The following S100Z variants were observed in gnomAD, a reference collection of about 807,000 sequenced individuals.
The protein encoded by S100Z is S100 calcium binding protein Z, also known as protein S100-Z.
S100Z carries 11 observed loss-of-function variants against 8.5 expected under a neutral mutation model. The ratio of observed to expected loss-of-function variants is 1.30; its 90% CI spans 0.82 to 2.15. The LOEUF is 2.15. Among genes scored for constraint, S100Z ranks in the 30% most tolerant of loss-of-function variants. The pLI is 0.00. For missense variants in S100Z, 126 were observed against 117.9 expected (o/e 1.07, Z -0.32); for synonymous variants, 34 against 43.8 (o/e 0.78, Z 0.89).
At chr5:76,917,772 G>A (rs938706196) in intron 4 of S100Z, among the ~76,000 whole-genome samples, 10 of 147,968 alleles carry the variant, frequency 6.8e-5, no homozygotes, top group Admixed American at 1.4e-4. Flanking sequence ...GCAGTAAACC[G>A]AGATAACACC....
At chr5:76,916,637 A>G (rs893118175) in intron 4 of S100Z, among the ~76,000 whole-genome samples, 4 of 152,214 alleles carry the variant, frequency 2.6e-5, no homozygotes, top group African/African-American at 9.7e-5. Flanking sequence ...CAGAAAGATA[A>G]CATGAAAATT....
intron 4 of S100Z, among the ~76,000 whole-genome samples, chr5:76,896,806 A>G (rs1744053269): frequency 6.6e-6 from 1 of 152,138 alleles, no homozygotes; most frequent in African/African-American, 2.4e-5. Flanking sequence ...GCACCTTTTC[A>G]TATACCTGTT....
the S100Z span, among the ~76,000 whole-genome samples, chr5:76,943,193 A>T: frequency 6.6e-6 from 1 of 152,128 alleles, no homozygotes; most frequent in East Asian, 1.9e-4. Flanking sequence ...TCTGGTACCC[A>T]GACTGTGATG....
At chr5:76,940,936 C>T in the S100Z span, among the ~76,000 whole-genome samples, 3 of 151,896 alleles carry the variant, frequency 2.0e-5, no homozygotes, top group Non-Finnish European at 4.4e-5. Flanking sequence ...GTCAGGATGC[C>T]CCTCTGTTGG....
chr5:76,881,861 T>G (rs1401605526), intron 4 of S100Z, among the ~76,000 whole-genome samples: 2 of 152,254 alleles, frequency 1.3e-5, no homozygotes, highest in African/African-American at 4.8e-5. Context: ...TGGCATCTTA[T>G]GCCTTTTGAT....
intron 4 of S100Z, among the ~76,000 whole-genome samples, chr5:76,884,190 T>A (rs964490852): frequency 6.6e-6 from 1 of 152,222 alleles, no homozygotes; most frequent in Non-Finnish European, 1.5e-5. Context: ...GGGTTGCTGC[T>A]AAGAGGGCCA....
the S100Z span, among the ~76,000 whole-genome samples, chr5:76,933,211 C>T: frequency 3.9e-5 from 6 of 152,090 alleles, no homozygotes; most frequent in East Asian, 1.9e-4. Flanking sequence ...GCGGAGTGCC[C>T]GGATGAGGCT....
chr5:76,903,540 A>G (rs147566972), intron 4 of S100Z, among the ~76,000 whole-genome samples: 102 of 152,156 alleles, frequency 6.7e-4, no homozygotes, highest in African/African-American at 2.4e-3. Context: ...GTAAATTTTC[A>G]TTTCTCTTTA....
At chr5:76,875,627 C>A in intron 3 of S100Z, 127 bp downstream of exon 3, 1 of 807,936 alleles carries the variant, frequency 1.2e-6, no homozygotes, top group Non-Finnish European at 1.9e-6. Flanking sequence ...TACAGAGATT[C>A]AAAATATAGG....
chr5:76,906,020 G>C (rs1744411406), intron 4 of S100Z, among the ~76,000 whole-genome samples: 1 of 152,116 alleles, frequency 6.6e-6, no homozygotes, highest in Admixed American at 6.6e-5. Flanking sequence ...AATAGAGACA[G>C]GATGTCACCA....
At chr5:76,874,875 CTATTAT>C (rs1321507344) in intron 2 of S100Z, among the ~76,000 whole-genome samples, 1 of 151,688 alleles carries the variant, frequency 6.6e-6, no homozygotes, top group Non-Finnish European at 1.5e-5. Context: ...TAATGAAAGA[CTATTAT>C]TATTATTAAT....
At chr5:76,936,536 A>C in the S100Z span, among the ~76,000 whole-genome samples, 1 of 151,904 alleles carries the variant, frequency 6.6e-6, no homozygotes, top group Non-Finnish European at 1.5e-5. Context: ...AAAGTCAATC[A>C]AAAAAATATT....
intron 1 of S100Z, among the ~76,000 whole-genome samples, chr5:76,860,519 A>G (rs1751025043): frequency 6.6e-6 from 1 of 152,130 alleles, no homozygotes; most frequent in Non-Finnish European, 1.5e-5. Context: ...TGCAAATCAC[A>G]GAAACAGACT....
intron 4 of S100Z, among the ~76,000 whole-genome samples, chr5:76,889,031 C>T (rs946455185): frequency 6.6e-6 from 1 of 152,146 alleles, no homozygotes; most frequent in Non-Finnish European, 1.5e-5. Context: ...GGAGGGCCAG[C>T]GTTTTTGGGG....
chr5:76,872,596 G>A (rs1408782960), intron 2 of S100Z, among the ~76,000 whole-genome samples: 2 of 152,148 alleles, frequency 1.3e-5, no homozygotes, highest in Non-Finnish European at 2.9e-5. Flanking sequence ...GGGAGGTTGA[G>A]GTGCAGTGAG....
intron 4 of S100Z, among the ~76,000 whole-genome samples, chr5:76,891,886 C>G (rs17749722): frequency 0.025 from 3,813 of 152,146 alleles, 150 homozygotes; most frequent in East Asian, 0.12. Context: ...TCTTGGGCAA[C>G]TTATTTAATT....
chr5:76,941,802 C>G, the S100Z span, among the ~76,000 whole-genome samples: 6 of 152,260 alleles, frequency 3.9e-5, no homozygotes, highest in South Asian at 2.1e-4. Context: ...ATGCTCCCCC[C>G]CCTTGATGGC....
At chr5:76,869,719 C>T (rs6859961) in intron 1 of S100Z, among the ~76,000 whole-genome samples, 68,590 of 151,822 alleles carry the variant, frequency 0.45, 15,964 homozygotes, top group East Asian at 0.67. Flanking sequence ...ACCAGTTTAG[C>T]TGGTATTTAA....
chr5:76,873,384 T>C (rs1022278014), intron 2 of S100Z, among the ~76,000 whole-genome samples: 1 of 151,402 alleles, frequency 6.6e-6, no homozygotes. Flanking sequence ...CTTGGCTCAT[T>C]GCAACCTCCA....
Sources: allele counts gnomAD v4.1 joint callset (sites outside exome capture counted in the v4.1 genomes callset), GRCh38; gene constraint gnomAD v4.1.1; transcripts MANE v1.5; gene names NCBI Gene and HGNC (gene_info 2026-07-23, HGNC 2026-07-21).